Variants in PIGA observed in about 807,000 individuals in gnomAD.
PIGA encodes the protein phosphatidylinositol glycan anchor biosynthesis class A.
In PIGA, 3 loss-of-function variants were observed where a neutral mutation model predicts 17.1. The ratio of observed to expected loss-of-function variants is 0.18; its 90% CI spans 0.08 to 0.45. The LOEUF (loss-of-function observed/expected upper bound fraction) is 0.45, where lower values mean the gene tolerates loss of function less well. Ranked by LOEUF, PIGA falls within the 20% of genes least tolerant of loss-of-function variation. PIGA has a pLI of 0.99. For synonymous variants in PIGA, 126 were observed against 135.1 expected (o/e 0.93, Z 0.47); for missense variants, 231 against 374.1 (o/e 0.62, Z 3.16).
rs373094239 is a variant in PIGA, at chrX:15,331,932, C to A, written c.-2G>T. The A allele has an allele frequency of 2.5e-6, 3 of 1,193,674 alleles. No individual in the cohort carries two copies. Among genetic ancestry groups the A allele is most frequent in the African/African-American group, 3.5e-5 (2 of 57,416 alleles). On this transcript the variant is annotated 5_prime_UTR_variant, in exon 2 of 6. Coordinates refer to ENST00000333590, the MANE Select transcript of PIGA (RefSeq NM_002641.4). ...CCCAGCTCCTCCTCTACAGGCCATG[C>A]TGAGACGGTTTAGACATCAGTTCTT...
At chrX:15,333,323 G>A (rs1306526539) in intron 1 of PIGA, among the ~76,000 whole-genome samples, 2 of 112,499 alleles carry the variant, frequency 1.8e-5, no homozygotes, top group African/African-American at 6.5e-5. Context: ...CTTTTTGAGA[G>A]CACCTTTTTC....
chrX:15,326,172 CTT>C, intron 2 of PIGA, 126 bp from the exon 3 acceptor site: 1 of 400,675 alleles, frequency 2.5e-6, no homozygotes, highest in Non-Finnish European at 4.2e-6. Context: ...GAGAAACTCT[CTT>C]AAACCTTTTC....
chrX:15,329,540 T>C, intron 2 of PIGA, among the ~76,000 whole-genome samples: 1 of 111,575 alleles, frequency 9.0e-6, no homozygotes, highest in Non-Finnish European at 1.9e-5. Flanking sequence ...CAATCCTACA[T>C]CAAACTACGG....
At chrX:15,326,237 T>C in intron 2 of PIGA, 191 bp from the exon 3 acceptor site, 1 of 315,104 alleles carries the variant, frequency 3.2e-6, no homozygotes. Context: ...GTTACAATTC[T>C]TGAAGACGTA....
At chrX:15,332,930 T>C (rs1249431595) in intron 1 of PIGA, among the ~76,000 whole-genome samples, 1 of 112,137 alleles carries the variant, frequency 8.9e-6, no homozygotes. Flanking sequence ...CAGCTGAGCC[T>C]AGCTCACTGC....
intron 2 of PIGA, 56 bp downstream of exon 2, chrX:15,331,160 A>G: frequency 1.2e-6 from 1 of 849,743 alleles, no homozygotes; most frequent in South Asian, 2.5e-5. Context: ...CAAGTATTCA[A>G]CAGCTTTCTA....
chrX:15,333,687 A>G (rs1184233448), intron 1 of PIGA, among the ~76,000 whole-genome samples: 1 of 112,135 alleles, frequency 8.9e-6, no homozygotes, highest in Non-Finnish European at 1.9e-5. Context: ...TCTCAAAAAA[A>G]CAAAACAAAA....
In PIGA at chrX:15,329,428, A is replaced by ACC. The variant is rs775827461; in HGVS notation, c.715+1786_715+1787dup. On this transcript the variant is annotated intron_variant, in intron 2 of 5. Coordinates refer to ENST00000333590, the MANE Select transcript of PIGA (RefSeq NM_002641.4). ...TCAGTTCATACGCCTTTAAGTTCTG[A>ACC]CCCCACCCAAAAGAAACTCAAAGTA... Among the ~76,000 whole-genome samples, 3 of 111,264 alleles carry ACC rather than the reference A, an allele frequency of 2.7e-5. No individual in the cohort carries two copies. In the East Asian group the frequency reaches 8.5e-4, roughly 32 times the overall value.
chrX:15,335,472 T>C (rs1250695162), intron 1 of PIGA, 29 bp downstream of exon 1: 6 of 989,461 alleles, frequency 6.1e-6, no homozygotes, highest in Non-Finnish European at 7.7e-6. Context: ...CCCAGAGCGC[T>C]GGAGAGGGGC....
At chrX:15,324,583 C>A in intron 5 of PIGA, 82 bp downstream of exon 5, 1 of 699,306 alleles carries the variant, frequency 1.4e-6, no homozygotes, top group South Asian at 2.6e-5. Context: ...AAATGGTAAA[C>A]ATCTATGTAA....
Position 15,320,443 on chromosome X carries a change from T to C in PIGA, c.*1063A>G, listed in dbSNP as rs771529477. On this transcript the variant is annotated 3_prime_UTR_variant, in exon 6 of 6. Transcript: ENST00000333590. ...AACTTAGTTTGCTATAAATAAACCA[T>C]TCTGAAGTAAAGCCTTTTGCACACT... 1 of 112,533 alleles carries C rather than the reference T, an allele frequency of 8.9e-6. No individual in the cohort carries two copies. The highest frequency in any genetic ancestry group is 3.2e-5 in the African/African-American group (1 of 30,981). The allele number at this position is 112,533 out of a possible 1,213,427, so 9.3% of individuals were successfully genotyped here. A position where few individuals can be genotyped will look rare whatever the true frequency, so the allele number is the denominator to read the frequency against.
chrX:15,324,698 G>A lies in PIGA; in HGVS notation c.1155C>T (p.Tyr385=), dbSNP rs200439632. 1.7e-6 allele frequency: 2 copies of A among 1,205,680 alleles called. No individual in the cohort carries two copies. Among genetic ancestry groups the A allele is most frequent in the African/African-American group, 3.5e-5 (2 of 57,308 alleles). The change falls in exon 5 of 6, where the codon TAC becomes TAT. Residue 385 remains tyrosine (Y), a synonymous_variant. Coordinates refer to ENST00000333590, the MANE Select transcript of PIGA (RefSeq NM_002641.4). ...TTCTTTCTGCAACATTCCTCCAGGT[G>A]TAGAAAGTCTTTACTATGTTATGGA... is the stretch of plus-strand genomic sequence containing the variant. ...ENIHNIVKTF[Y]TWRNVAERTE...
rs765961204 is a variant in PIGA, at chrX:15,325,046, C to A, written c.955G>T (p.Val319Leu). 8.3e-7 allele frequency: 1 copy of A among 1,204,994 alleles called. No individual in the cohort carries two copies. Among genetic ancestry groups the A allele is most frequent in the Admixed American group, 2.2e-5 (1 of 44,845 alleles). Residue 319 changes from valine (V) to leucine (L), a missense_variant, in exon 4 of 6, where the codon GTG becomes TTG. Physicochemically the swap from Val to Leu is conservative, Grantham distance 32 (BLOSUM62 1). Transcript: ENST00000333590. ...SLTEAFCMAI[V>L]EAASCGLQVV... The stretch of plus-strand genomic sequence containing the variant: ...TGTAAACCACAACTGGCTGCTTCCA[C>A]GATCGCCATGCAGAATGCTTCAGTA...
At chrX:15,322,600 T>C (rs1258096222) in intron 5 of PIGA, among the ~76,000 whole-genome samples, 1 of 111,986 alleles carries the variant, frequency 8.9e-6, no homozygotes, top group African/African-American at 3.2e-5. Context: ...TTGTGCTTAG[T>C]CTCATATATT....
chrX:15,335,212 G>A, intron 1 of PIGA: 2 of 282,974 alleles, frequency 7.1e-6, no homozygotes, highest in Non-Finnish European at 1.2e-5. Flanking sequence ...GGGATGGCCA[G>A]GCCCAAAGAG....
Position 15,321,486 on chromosome X carries a change from C to A in PIGA, c.*20G>T, listed in dbSNP as rs1323393910. ...TAGAACTATTACAAATGTTTAAAAT[C>A]TTACAATCTAGGCTTCCTTCTACCT... On this transcript the variant is annotated 3_prime_UTR_variant, in exon 6 of 6. Coordinates refer to ENST00000333590, the MANE Select transcript of PIGA (RefSeq NM_002641.4). 4.3e-6 allele frequency: 5 copies of A among 1,170,169 alleles called. No homozygotes were observed. The African/African-American group carries it at 8.9e-5, about 21-fold the overall frequency.
chrX:15,331,870 T>C lies in PIGA; in HGVS notation c.61A>G (p.Ser21Gly), dbSNP rs375401655. The C allele has an allele frequency of 2.3e-5, 28 of 1,209,612 alleles. No individual in the cohort carries two copies. The Admixed American group carries it at 2.4e-4, about 10-fold the overall frequency. The change falls in exon 2 of 6, where the codon AGC (serine) becomes GGC (glycine). Residue 21 changes from serine to glycine, a missense_variant. Physicochemically the swap from Ser to Gly is moderately conservative, Grantham distance 56. Around this residue, in one of 5 missense-constraint regions of PIGA, gnomAD observed 29 missense variants for 28.1 expected, o/e 1.03. Coordinates refer to ENST00000333590, the MANE Select transcript of PIGA (RefSeq NM_002641.4). ...HRASATLSRVSPGSLYTCRTR... is the reference protein window; with the variant it reads ...HRASATLSRVGPGSLYTCRTR... Reference sequence around the variant, plus strand: ...CTACATGTGTAAAGACTTCCAGGGCTAACCCGAGAGAGTGTAGCTGAGGCA... The same window carrying C: ...CTACATGTGTAAAGACTTCCAGGGCCAACCCGAGAGAGTGTAGCTGAGGCA...
At chrX:15,322,495 A>G (rs1921847099) in intron 5 of PIGA, among the ~76,000 whole-genome samples, 2 of 112,548 alleles carry the variant, frequency 1.8e-5, no homozygotes, top group South Asian at 7.3e-4. Flanking sequence ...GCTAAGTACT[A>G]AGCTCTAAAA....
intron 2 of PIGA, chrX:15,327,159 T>G (rs1309607277): frequency 1.8e-4 from 19 of 107,356 alleles, no homozygotes; most frequent in African/African-American, 6.2e-4. Flanking sequence ...CTCCGGAGGC[T>G]GAGGCAGGAG....
Sources: gnomAD v4.1 joint callset for allele counts (sites outside exome capture counted in the v4.1 genomes callset) on GRCh38, gnomAD v4.1.1 for gene constraint, gnomAD v4.1.1 regional missense constraint, MANE v1.5 for transcripts, NCBI Gene and HGNC (gene_info 2026-07-23, HGNC 2026-07-21) for gene names.